WFS1: variants seen among roughly 807,000 people sequenced by gnomAD.
The protein encoded by WFS1 is wolframin.
Under a neutral mutation model 68.5 loss-of-function variants are expected in WFS1, and 90 were observed. The observed-to-expected ratio is 1.31, with a 90% CI of 1.11 to 1.56. The LOEUF (loss-of-function observed/expected upper bound fraction) is 1.56. Ranked by LOEUF, WFS1 falls within the 40% of genes most tolerant of loss-of-function variation. The pLI is 0.00. For synonymous variants in WFS1, 860 were observed against 540.7 expected, an observed-to-expected ratio of 1.59 and a Z score of -8.19; for missense variants, 1,767 against 1,232.6, an observed-to-expected ratio of 1.43 and a Z score of -6.49.
chr4:6,288,911 A>G (rs1730385335), intron 3 of WFS1, 76 bp from the exon 4 acceptor site: 1 of 1,564,880 alleles, frequency 6.4e-7, no homozygotes, highest in Non-Finnish European at 8.7e-7. Context: ...AGTGGGTGAA[A>G]GGAGGTGGGC....
At chr4:6,285,585 G>A (rs1296353187) in intron 2 of WFS1, among the ~76,000 whole-genome samples, 1 of 152,162 alleles carries the variant, frequency 6.6e-6, no homozygotes, top group Non-Finnish European at 1.5e-5. Flanking sequence ...TGCGACTTTT[G>A]AGTTGTCCCA....
intron 2 of WFS1, among the ~76,000 whole-genome samples, chr4:6,280,613 C>T (rs536154030): frequency 2.0e-5 from 3 of 152,278 alleles, no homozygotes; most frequent in East Asian, 3.9e-4. Flanking sequence ...AGGCCTGGTG[C>T]AGGTGGGAGG....
intron 6 of WFS1, among the ~76,000 whole-genome samples, chr4:6,293,798 G>A (rs188509305): frequency 1.3e-5 from 2 of 152,306 alleles, no homozygotes; most frequent in South Asian, 4.1e-4. Flanking sequence ...GTAGGGAGAT[G>A]TGTGGGTGGC....
rs550411492 is a variant in WFS1 at position 6,301,441 on chromosome 4, T to C, written c.1646T>C (p.Leu549Pro). The change falls in exon 8 of 8, where the codon CTG becomes CCG. Residue 549 changes from leucine to proline, a missense_variant. Coordinates refer to ENST00000226760, the MANE Select transcript of WFS1 (RefSeq NM_006005.3). ...TGTGAGCTCTCCGTGGTCATCCTGC[T>C]GGAGTCCACCGGCCTGGGGCTGCTC... ...MWCELSVVIL[L>P]ESTGLGLLRA... The C allele has an allele frequency of 2.4e-5, 39 of 1,612,460 alleles. No homozygotes were observed. Among genetic ancestry groups the C allele is most frequent in the Non-Finnish European group, 3.0e-5 (35 of 1,180,034 alleles).
chr4:6,302,308 C>T lies in WFS1; in HGVS notation c.2513C>T (p.Pro838Leu), dbSNP rs374704428. Residue 838 changes from proline (P) to leucine (L), a missense_variant, in exon 8 of 8, where the codon CCT becomes CTT. Physicochemically the swap from Pro to Leu is moderately conservative, Grantham distance 98. Coordinates refer to ENST00000226760, the MANE Select transcript of WFS1 (RefSeq NM_006005.3). ...ILEGRLGSKW[P>L]VFELKAISCL... Reference sequence around the variant, plus strand: ...GAGGGCCGCCTGGGCAGCAAGTGGCCTGTCTTCGAGCTCAAGGCCATCAGC... The same window carrying T: ...GAGGGCCGCCTGGGCAGCAAGTGGCTTGTCTTCGAGCTCAAGGCCATCAGC... 10 of 1,609,756 alleles carry T rather than the reference C, an allele frequency of 6.2e-6. No individual in the cohort carries two copies. The highest frequency in any genetic ancestry group is 4.0e-5 in the African/African-American group (3 of 74,892).
At chr4:6,298,445 G>C (rs1039344936) in intron 7 of WFS1, among the ~76,000 whole-genome samples, 1 of 152,264 alleles carries the variant, frequency 6.6e-6, no homozygotes, top group Non-Finnish European at 1.5e-5. Flanking sequence ...GTTGACCCCA[G>C]AGAGAGCTAG....
chr4:6,285,715 G>GT (rs1730292807), intron 2 of WFS1, among the ~76,000 whole-genome samples: 1 of 152,186 alleles, frequency 6.6e-6, no homozygotes, highest in South Asian at 2.1e-4. Context: ...TCTGAAGGCA[G>GT]TGGCCAGGCA....
Position 6,277,431 on chromosome 4 carries a change from G to A in WFS1, c.-5-20G>A. ...GGCTCTGCCGGTGCTGGATGTGCCT[G>A]ACCTTGACTTTTCTTCCAGGCAGGA... is the stretch of plus-strand genomic sequence containing the variant. On this transcript the variant is annotated intron_variant, in intron 1 of 7. Transcript: ENST00000226760. The A allele has an allele frequency of 6.5e-7, 1 of 1,549,590 alleles. No homozygotes were observed.
chr4:6,302,507 ATGAGGCCTTTCCCCAG>A lies in WFS1; in HGVS notation c.*42_*57del. 6.2e-7 allele frequency: 1 copy of A among 1,610,246 alleles called. No individual in the cohort carries two copies. The highest frequency in any genetic ancestry group is 8.5e-7 in the Non-Finnish European group (1 of 1,179,680). ...CGAGGAGCTTCCAGTGCATGTTGCC[ATGAGGCCTTTCCCCAG>A]TGTGGCCCCAGCCCGACAGGCATGC... On this transcript the variant is annotated 3_prime_UTR_variant, in exon 8 of 8. Coordinates refer to ENST00000226760, the MANE Select transcript of WFS1 (RefSeq NM_006005.3).
At chr4:6,274,203 C>T (rs997169494) in intron 1 of WFS1, among the ~76,000 whole-genome samples, 25 of 152,232 alleles carry the variant, frequency 1.6e-4, no homozygotes, top group Middle Eastern at 3.4e-3. Flanking sequence ...CCCGCCACCA[C>T]GCCTGGCTAA....
chr4:6,278,812 C>T (rs1242659037), intron 2 of WFS1, among the ~76,000 whole-genome samples: 2 of 152,244 alleles, frequency 1.3e-5, no homozygotes, highest in Non-Finnish European at 2.9e-5. Flanking sequence ...GTTTTGGAGG[C>T]CTCTGGGCGG....
chr4:6,275,414 C>G (rs1407199468), intron 1 of WFS1, among the ~76,000 whole-genome samples: 1 of 152,192 alleles, frequency 6.6e-6, no homozygotes, highest in African/African-American at 2.4e-5. Flanking sequence ...TAAGGGGACA[C>G]TTAGGTCTGC....
intron 6 of WFS1, among the ~76,000 whole-genome samples, chr4:6,293,634 G>C (rs1344756261): frequency 5.3e-5 from 8 of 152,172 alleles, no homozygotes. Flanking sequence ...ACCAGGCCCG[G>C]GGCCCTTGCT....
Position 6,279,147 on chromosome 4 carries a change from C to G in WFS1, c.232+1460C>G, listed in dbSNP as rs73795940. Among the ~76,000 whole-genome samples, 737 of 152,338 alleles carry G rather than the reference C, an allele frequency of 4.8e-3. 13 individuals are homozygous for G. The highest frequency in any genetic ancestry group is 0.017 in the African/African-American group (694 of 41,588). On this transcript the variant is annotated intron_variant, in intron 2 of 7. Coordinates refer to ENST00000226760, the MANE Select transcript of WFS1 (RefSeq NM_006005.3). ...GCCAAAGCAGGCCTGGCCCTGCATG[C>G]CCAGTGGCCGCAGGGAGGGCAGGGC...
intron 7 of WFS1, among the ~76,000 whole-genome samples, chr4:6,296,163 T>TG (rs1218308801): frequency 6.6e-6 from 1 of 152,152 alleles, no homozygotes; most frequent in Non-Finnish European, 1.5e-5. Context: ...GGCAGCAGGC[T>TG]GAAAGGTCAC....
chr4:6,270,739 C>T (rs1315948360), intron 1 of WFS1, among the ~76,000 whole-genome samples: 3 of 152,244 alleles, frequency 2.0e-5, no homozygotes, highest in Non-Finnish European at 2.9e-5. Context: ...GGCGCCCTGG[C>T]CTCTCACCCA....
At position 6,301,646 on chromosome 4, in the gene WFS1, C is replaced by A. The variant is rs1268799694; in HGVS notation, c.1851C>A (p.Ser617Arg). The A allele has an allele frequency of 6.2e-7, 1 of 1,614,102 alleles. No homozygotes were observed. Among genetic ancestry groups the A allele is most frequent in the Non-Finnish European group, 8.5e-7 (1 of 1,180,000 alleles). The change falls in exon 8 of 8, where the codon AGC (serine) becomes AGA (arginine). Residue 617 changes from serine to arginine, a missense_variant. Coordinates refer to ENST00000226760, the MANE Select transcript of WFS1 (RefSeq NM_006005.3). Reference protein sequence around the residue: ...PLLLRWWTKASFSVVGMVKSL... With the variant: ...PLLLRWWTKARFSVVGMVKSL... ...TGTTGCGCTGGTGGACCAAGGCCAG[C>A]TTCTCTGTGGTGGGGATGGTGAAGT...
rs1560417652 is a variant in WFS1 at position 6,300,664 on chromosome 4, AGTACCCCCT to A, written c.871_879del (p.Tyr291_Leu293del). On this transcript the variant is annotated inframe_deletion, in exon 8 of 8. Transcript: ENST00000226760. ...GTACCATCTTTCCCCCAGGTGGTCA[AGTACCCCCT>A]GCACGCCATCATGGAGATCAAGGAG... 1 of 1,613,976 alleles carries A rather than the reference AGTACCCCCT, an allele frequency of 6.2e-7. No individual in the cohort carries two copies. The highest frequency in any genetic ancestry group is 2.2e-5 in the East Asian group (1 of 44,866).
At chr4:6,274,419 A>G (rs1387263469) in intron 1 of WFS1, among the ~76,000 whole-genome samples, 1 of 151,784 alleles carries the variant, frequency 6.6e-6, no homozygotes, top group Non-Finnish European at 1.5e-5. Context: ...TAGCACCCCT[A>G]TGTGGGAGGT....
Sources: gnomAD v4.1 joint callset for allele counts (sites outside exome capture counted in the v4.1 genomes callset) on GRCh38, gnomAD v4.1.1 for gene constraint, MANE v1.5 for transcripts, NCBI Gene and HGNC (gene_info 2026-07-23, HGNC 2026-07-21) for gene names.